PDE4B: variants seen among roughly 807,000 people sequenced by gnomAD.
The protein encoded by PDE4B is phosphodiesterase 4B.
Under a neutral mutation model 82.2 loss-of-function variants are expected in PDE4B, and 20 were observed. That is an observed-to-expected ratio of 0.24 (90% CI 0.17 to 0.35). The LOEUF (loss-of-function observed/expected upper bound fraction) is 0.35, where lower values mean the gene tolerates loss of function less well. Ranked by LOEUF, PDE4B falls within the 10% of genes least tolerant of loss-of-function variation. The probability of loss-of-function intolerance (pLI) is 1.00; values close to 1 mark genes in which losing one functional copy is unlikely to be tolerated. For missense variants in PDE4B, 655 were observed against 907.2 expected (o/e 0.72, Z 3.57); for synonymous variants, 320 against 318.9 (o/e 1.00, Z -0.04).
intron 1 of PDE4B, among the ~76,000 whole-genome samples, chr1:65,803,736 T>C (rs1197927749): frequency 6.6e-6 from 1 of 152,174 alleles, no homozygotes; most frequent in Non-Finnish European, 1.5e-5. Context: ...TCCAATGCCA[T>C]ATCTTGGAAA....
intron 3 of PDE4B, among the ~76,000 whole-genome samples, chr1:66,192,857 G>A (rs1647949441): frequency 6.6e-6 from 1 of 152,094 alleles, no homozygotes; most frequent in Non-Finnish European, 1.5e-5. Context: ...CCAGGCCTGT[G>A]TTAAGCACCA....
intron 3 of PDE4B, among the ~76,000 whole-genome samples, chr1:66,086,984 G>C (rs1490537168): frequency 6.6e-6 from 1 of 152,136 alleles, no homozygotes; most frequent in East Asian, 1.9e-4. Flanking sequence ...TTATGCCTGG[G>C]AGAGAGACCT....
At chr1:65,893,295 AC>A (rs1298338161) in intron 1 of PDE4B, among the ~76,000 whole-genome samples, 1 of 152,106 alleles carries the variant, frequency 6.6e-6, no homozygotes, top group African/African-American at 2.4e-5. Context: ...ATAAGAAAAA[AC>A]AGAGTTGGTG....
chr1:65,856,045 A>T (rs1284435312), intron 1 of PDE4B, among the ~76,000 whole-genome samples: 1 of 152,070 alleles, frequency 6.6e-6, no homozygotes, highest in African/African-American at 2.4e-5. Flanking sequence ...CCAATTTATT[A>T]ATTTTTGATT....
intron 3 of PDE4B, among the ~76,000 whole-genome samples, chr1:65,956,467 A>G (rs1569810973): frequency 6.6e-6 from 1 of 152,242 alleles, no homozygotes; most frequent in South Asian, 2.1e-4. Flanking sequence ...GCACACATAC[A>G]TACACACACA....
intron 7 of PDE4B, among the ~76,000 whole-genome samples, chr1:66,287,277 G>A (rs1252358298): frequency 1.3e-5 from 2 of 152,124 alleles, no homozygotes; most frequent in African/African-American, 4.8e-5. Context: ...AAGGTCATGA[G>A]TTTTGACATC....
At chr1:66,086,457 T>G (rs889186999) in intron 3 of PDE4B, among the ~76,000 whole-genome samples, 2 of 152,156 alleles carry the variant, frequency 1.3e-5, no homozygotes, top group Non-Finnish European at 2.9e-5. Context: ...TATGATTTGC[T>G]TTCACAACTA....
In PDE4B at chr1:65,851,728, A is replaced by G. The variant is rs934602880; in HGVS notation, c.-71+58480A>G. The stretch of plus-strand genomic sequence containing the variant: ...TGATTCTAAAAGGTTTCTTCTTTCT[A>G]TTTTTTTAAAGGAGGTCTGTCTTTC... On this transcript the variant is annotated intron_variant, in intron 1 of 16. Coordinates refer to ENST00000341517, the MANE Select transcript of PDE4B (RefSeq NM_002600.4). Among the ~76,000 whole-genome samples, 77 of 151,722 alleles carry G rather than the reference A, an allele frequency of 5.1e-4. 1 individual carries two copies. The highest frequency in any genetic ancestry group is 8.7e-4 in the Non-Finnish European group (59 of 67,830).
At chr1:65,894,026 A>G (rs1646881230) in intron 1 of PDE4B, among the ~76,000 whole-genome samples, 1 of 152,034 alleles carries the variant, frequency 6.6e-6, no homozygotes, top group Non-Finnish European at 1.5e-5. Context: ...CAGATAAAAG[A>G]CTACATATTG....
At chr1:66,086,754 C>G (rs901957438) in intron 3 of PDE4B, among the ~76,000 whole-genome samples, 1 of 152,134 alleles carries the variant, frequency 6.6e-6, no homozygotes. Context: ...CTAATTCTTT[C>G]AAAACTTTAG....
At chr1:66,295,875 A>G (rs546473222) in intron 7 of PDE4B, among the ~76,000 whole-genome samples, 5 of 152,306 alleles carry the variant, frequency 3.3e-5, no homozygotes, top group South Asian at 2.1e-4. Context: ...ACAGCACAAT[A>G]TAGCCAATTT....
chr1:66,298,218 T>C (rs1446224000), intron 7 of PDE4B, among the ~76,000 whole-genome samples: 1 of 152,200 alleles, frequency 6.6e-6, no homozygotes, highest in Non-Finnish European at 1.5e-5. Flanking sequence ...AGTCATATTA[T>C]GCTGTCTGGG....
At chr1:65,980,568 T>A (rs1055425783) in intron 3 of PDE4B, among the ~76,000 whole-genome samples, 3 of 152,210 alleles carry the variant, frequency 2.0e-5, no homozygotes, top group Non-Finnish European at 2.9e-5. Flanking sequence ...TGATTCTCAT[T>A]TGTGTTCTCA....
At chr1:66,053,804 A>G (rs1655161085) in intron 3 of PDE4B, among the ~76,000 whole-genome samples, 1 of 152,174 alleles carries the variant, frequency 6.6e-6, no homozygotes, top group African/African-American at 2.4e-5. Context: ...AGTAACAGTG[A>G]GCTGAGATCG....
At chr1:66,220,752 T>G (rs1418192008) in intron 3 of PDE4B, among the ~76,000 whole-genome samples, 2 of 152,162 alleles carry the variant, frequency 1.3e-5, no homozygotes, top group Admixed American at 1.3e-4. Context: ...GCCTTAAAAC[T>G]GTTGCTGAGA....
intron 6 of PDE4B, among the ~76,000 whole-genome samples, chr1:66,262,430 C>A (rs1362916168): frequency 1.3e-5 from 2 of 152,212 alleles, no homozygotes; most frequent in Non-Finnish European, 2.9e-5. Flanking sequence ...GATTAGGATT[C>A]CTGTCTTCTT....
intron 3 of PDE4B, among the ~76,000 whole-genome samples, chr1:65,951,497 T>C (rs1465758050): frequency 6.6e-6 from 1 of 152,122 alleles, no homozygotes; most frequent in African/African-American, 2.4e-5. Context: ...TCGTCAGGAC[T>C]TCAATAGTTC....
chr1:66,271,412 T>G (rs1655464819), intron 7 of PDE4B, among the ~76,000 whole-genome samples: 1 of 152,236 alleles, frequency 6.6e-6, no homozygotes. Context: ...GTTGGAATCA[T>G]GCATGTTAGT....
chr1:66,219,858 TACC>T (rs1557642185), intron 3 of PDE4B, among the ~76,000 whole-genome samples: 3 of 152,166 alleles, frequency 2.0e-5, no homozygotes, highest in Admixed American at 1.3e-4. Flanking sequence ...GACTTGTAGT[TACC>T]ACATCTGTAA....
Sources: gnomAD v4.1 joint callset for allele counts (sites outside exome capture counted in the v4.1 genomes callset) on GRCh38, gnomAD v4.1.1 for gene constraint, MANE v1.5 for transcripts, NCBI Gene and HGNC (gene_info 2026-07-23, HGNC 2026-07-21) for gene names.